Variants in NHSL1 observed in about 807,000 individuals in gnomAD.
NHSL1 encodes the protein NHS-like protein 1.
Under a neutral mutation model 95.0 loss-of-function variants are expected in NHSL1, and 48 were observed. That is an observed-to-expected ratio of 0.51 (90% CI 0.40 to 0.64). The LOEUF is 0.64. Ranked by LOEUF, NHSL1 falls within the 30% of genes least tolerant of loss-of-function variation. The pLI is 0.00. For synonymous variants in NHSL1, 783 were observed against 833.9 expected, an observed-to-expected ratio of 0.94 and a Z score of 1.05; for missense variants, 1,971 against 2,077.7, an observed-to-expected ratio of 0.95 and a Z score of 1.00.
intron 1 of NHSL1, among the ~76,000 whole-genome samples, chr6:138,512,115 C>T (rs1233236115): frequency 6.6e-6 from 1 of 152,204 alleles, no homozygotes; most frequent in East Asian, 1.9e-4. Flanking sequence ...CTGCCACAAT[C>T]AATTCTCATT....
At chr6:138,553,852 C>T (rs1229788255) in intron 1 of NHSL1, among the ~76,000 whole-genome samples, 1 of 152,168 alleles carries the variant, frequency 6.6e-6, no homozygotes, top group Non-Finnish European at 1.5e-5. Flanking sequence ...AACACAGATA[C>T]CATTCTCTCT....
At chr6:138,655,260 A>G (rs542951690) in intron 1 of NHSL1, among the ~76,000 whole-genome samples, 6 of 152,316 alleles carry the variant, frequency 3.9e-5, no homozygotes, top group African/African-American at 1.4e-4. Flanking sequence ...AAACAATAAC[A>G]CTACCTCTGT....
chr6:138,599,059 G>A (rs945619875), intron 1 of NHSL1, among the ~76,000 whole-genome samples: 1 of 152,162 alleles, frequency 6.6e-6, no homozygotes, highest in Non-Finnish European at 1.5e-5. Flanking sequence ...TCATCTAGCT[G>A]TAAAATTTGG....
At chr6:138,563,989 T>G (rs934848043) in intron 1 of NHSL1, among the ~76,000 whole-genome samples, 1 of 152,216 alleles carries the variant, frequency 6.6e-6, no homozygotes, top group Non-Finnish European at 1.5e-5. Flanking sequence ...CTTCTCCTTA[T>G]CAGGCTTGGC....
chr6:138,451,240 C>T (rs573714205), intron 3 of NHSL1, among the ~76,000 whole-genome samples: 2 of 152,320 alleles, frequency 1.3e-5, no homozygotes, highest in Non-Finnish European at 2.9e-5. Context: ...TCCATGCACA[C>T]TCGCGCCTCA....
At chr6:138,544,839 G>A (rs1217889727) in intron 1 of NHSL1, among the ~76,000 whole-genome samples, 3 of 151,918 alleles carry the variant, frequency 2.0e-5, no homozygotes, top group South Asian at 4.2e-4. Flanking sequence ...TAGAGTTGAC[G>A]GAAAAAATAA....
chr6:138,669,319 T>C (rs1785334559), intron 1 of NHSL1, among the ~76,000 whole-genome samples: 1 of 151,990 alleles, frequency 6.6e-6, no homozygotes, highest in Admixed American at 6.6e-5. Context: ...AAAATTTTCA[T>C]AAAGTGGAGA....
intron 1 of NHSL1, among the ~76,000 whole-genome samples, chr6:138,648,568 C>G (rs192840128): frequency 4.6e-5 from 7 of 152,266 alleles, no homozygotes; most frequent in Admixed American, 3.3e-4. Flanking sequence ...ACTAAAATAA[C>G]TGGACTTCTT....
At chr6:138,591,402 TAA>T (rs1784224849) in intron 1 of NHSL1, among the ~76,000 whole-genome samples, 1 of 152,168 alleles carries the variant, frequency 6.6e-6, no homozygotes, top group African/African-American at 2.4e-5. Flanking sequence ...CAACAATTCA[TAA>T]GTTTTCTCTT....
chr6:138,441,335 A>G (rs936411706), intron 5 of NHSL1, among the ~76,000 whole-genome samples: 3 of 152,212 alleles, frequency 2.0e-5, no homozygotes, highest in Non-Finnish European at 4.4e-5. Flanking sequence ...AGGAAAATGA[A>G]GGGATTATCC....
intron 1 of NHSL1, among the ~76,000 whole-genome samples, chr6:138,586,482 G>A (rs1448539071): frequency 1.3e-5 from 2 of 152,174 alleles, no homozygotes; most frequent in Non-Finnish European, 2.9e-5. Context: ...TTGAGGTACA[G>A]TAAGTAACAT....
chr6:138,431,432 G>C lies in NHSL1; in HGVS notation c.2913C>G (p.Phe971Leu), dbSNP rs1775655252. ...TGAGAGCTTCTGGCGGCGGAGGGGG[G>C]AACACAGGAGAGTGAGGCAGAGGAG... The part of the protein sequence containing the change: ...QGSPLPHSPV[F>L]PPPPPEALIP... Residue 971 changes from phenylalanine (F) to leucine (L), a missense_variant, in exon 6 of 8, where the codon TTC becomes TTG. Phe to Leu is a conservative substitution (Grantham distance 22). This residue lies in a region of NHSL1 where 1,602 missense variants were observed against 1,654.5 expected (regional missense o/e 0.97). Transcript: ENST00000343505. This position sits in a 1 kb window ranked among gnomAD's most constrained non-coding sequence, Gnocchi z 4.0. 6.4e-7 allele frequency: 1 copy of C among 1,550,736 alleles called. No individual in the cohort carries two copies. Among genetic ancestry groups the C allele is most frequent in the African/African-American group, 1.4e-5 (1 of 73,052 alleles).
At chr6:138,571,330 A>C (rs750688132) in intron 1 of NHSL1, among the ~76,000 whole-genome samples, 6 of 152,206 alleles carry the variant, frequency 3.9e-5, no homozygotes, top group Non-Finnish European at 4.4e-5. Context: ...TTCTCAGTGC[A>C]GTTTCACAAG....
At chr6:138,608,545 C>A (rs1307261856) in intron 1 of NHSL1, among the ~76,000 whole-genome samples, 1 of 152,200 alleles carries the variant, frequency 6.6e-6, no homozygotes, top group Admixed American at 6.5e-5. Context: ...ACAGTAGGAT[C>A]TGTAGCACAA....
chr6:138,691,594 T>C (rs1169796201), intron 1 of NHSL1, among the ~76,000 whole-genome samples: 4 of 152,136 alleles, frequency 2.6e-5, no homozygotes, highest in African/African-American at 7.2e-5. Flanking sequence ...CCATCAACCA[T>C]CTCCAATTTA....
At chr6:138,629,757 C>T (rs1473382422) in intron 1 of NHSL1, among the ~76,000 whole-genome samples, 6 of 152,214 alleles carry the variant, frequency 3.9e-5, no homozygotes, top group African/African-American at 1.4e-4. Flanking sequence ...GCAATTGTTA[C>T]AGAAGGCATT....
intron 1 of NHSL1, among the ~76,000 whole-genome samples, chr6:138,596,031 CAAA>C (rs1462578072): frequency 6.6e-6 from 1 of 152,002 alleles, no homozygotes; most frequent in Non-Finnish European, 1.5e-5. Flanking sequence ...AAGCTAAAAC[CAAA>C]AAATATCCAG....
chr6:138,676,304 A>C (rs1785447747), intron 1 of NHSL1, among the ~76,000 whole-genome samples: 1 of 152,188 alleles, frequency 6.6e-6, no homozygotes, highest in Admixed American at 6.5e-5. Flanking sequence ...CTCAACCAGA[A>C]CATAAGGACA....
chr6:138,481,310 C>T (rs1032094225), intron 2 of NHSL1, among the ~76,000 whole-genome samples: 13 of 152,118 alleles, frequency 8.5e-5, no homozygotes, highest in Non-Finnish European at 1.5e-4. Flanking sequence ...TTACCTACCC[C>T]TTCATAAATT....
Sources: gnomAD v4.1 joint callset for allele counts (sites outside exome capture counted in the v4.1 genomes callset) on GRCh38, gnomAD v4.1.1 for gene constraint, gnomAD v4.1.1 regional missense constraint, Gnocchi (gnomAD v3.1) non-coding constraint, MANE v1.5 for transcripts, NCBI Gene and HGNC (gene_info 2026-07-23, HGNC 2026-07-21) for gene names.